Variants in RABL3 observed in about 807,000 individuals in gnomAD.
RABL3 encodes rab-like protein 3.
A neutral mutation model predicts 31.8 loss-of-function variants in RABL3; 31 were observed. The ratio of observed to expected loss-of-function variants is 0.97; its 90% confidence interval spans 0.73 to 1.31. The LOEUF is 1.31. RABL3 is among the 40% of genes most tolerant of loss of function. The pLI, the probability that RABL3 is intolerant of heterozygous loss-of-function variation, is 0.00. For missense variants in RABL3, 263 were observed against 279.6 expected (o/e 0.94, Z 0.42); for synonymous variants, 97 against 99.9 (o/e 0.97, Z 0.18).
intron 2 of RABL3, among the ~76,000 whole-genome samples, chr3:120,725,668 A>G (rs563466869): frequency 5.1e-4 from 78 of 152,304 alleles, no homozygotes; most frequent in African/African-American, 1.6e-3. Context: ...GAAGCTGGAA[A>G]CCATCATTCT....
chr3:120,710,854 G>A (rs1708605119), intron 2 of RABL3, among the ~76,000 whole-genome samples: 1 of 152,040 alleles, frequency 6.6e-6, no homozygotes, highest in Non-Finnish European at 1.5e-5. Flanking sequence ...CACAGCAAAA[G>A]TCCTCCAAAG....
At chr3:120,716,243 A>G (rs781106882) in intron 2 of RABL3, among the ~76,000 whole-genome samples, 8 of 152,242 alleles carry the variant, frequency 5.3e-5, no homozygotes, top group Non-Finnish European at 8.8e-5. Flanking sequence ...CATAATTAAG[A>G]GTAGCCATGT....
chr3:120,732,413 G>C (rs934694974), intron 1 of RABL3, among the ~76,000 whole-genome samples: 1 of 152,088 alleles, frequency 6.6e-6, no homozygotes, highest in African/African-American at 2.4e-5. Context: ...ATTATTACAT[G>C]TGTTTATTTA....
intron 6 of RABL3, among the ~76,000 whole-genome samples, chr3:120,693,661 A>G (rs1283831506): frequency 6.6e-6 from 1 of 152,204 alleles, no homozygotes; most frequent in Non-Finnish European, 1.5e-5. Flanking sequence ...ATGTTAGCAG[A>G]GAGTCAATAA....
chr3:120,737,858 G>T (rs772319935), intron 1 of RABL3, among the ~76,000 whole-genome samples: 2 of 152,236 alleles, frequency 1.3e-5, no homozygotes, highest in Non-Finnish European at 2.9e-5. Context: ...AACAGCAAAT[G>T]TTGCTGCCTG....
intron 1 of RABL3, among the ~76,000 whole-genome samples, chr3:120,735,208 G>T (rs992961964): frequency 4.9e-5 from 7 of 143,294 alleles, no homozygotes; most frequent in African/African-American, 1.7e-4. Context: ...ATTAATTATT[G>T]CCTCAATTTC....
At chr3:120,728,580 A>G (rs1431443465) in intron 2 of RABL3, among the ~76,000 whole-genome samples, 1 of 152,204 alleles carries the variant, frequency 6.6e-6, no homozygotes, top group African/African-American at 2.4e-5. Context: ...ACAAAATAGC[A>G]TTAGGAGATA....
In RABL3 at chr3:120,698,473, T is replaced by C; in HGVS notation, c.484A>G (p.Thr162Ala). ...TCCTCAGCCAGGAAAGCAGTCCTAG[T>C]TAAAACTTCATGGCGCTTTGTTTCA... ...IHETKRHEVL[T>A]RTAFLAEDFN... Residue 162 changes from threonine (T) to alanine (A), a missense_variant, in exon 5 of 8, where the codon ACT (threonine) becomes GCT (alanine). By Grantham distance (58) the Thr-to-Ala change is moderately conservative. Transcript: ENST00000273375. 2 of 1,614,086 alleles carry C rather than the reference T, an allele frequency of 1.2e-6. No individual in the cohort carries two copies. Among genetic ancestry groups the C allele is most frequent in the East Asian group, 2.2e-5 (1 of 44,854 alleles).
chr3:120,737,220 G>A (rs1364935925), intron 1 of RABL3, among the ~76,000 whole-genome samples: 3 of 151,958 alleles, frequency 2.0e-5, no homozygotes, highest in South Asian at 2.1e-4. Context: ...GCCTTTGTTC[G>A]TTCTTTTTAC....
At chr3:120,697,807 T>A (rs962213587) in intron 5 of RABL3, among the ~76,000 whole-genome samples, 5 of 152,224 alleles carry the variant, frequency 3.3e-5, no homozygotes, top group African/African-American at 1.2e-4. Context: ...AAGAATAATA[T>A]GCTTATAGTG....
intron 2 of RABL3, among the ~76,000 whole-genome samples, chr3:120,719,442 C>T (rs1340189799): frequency 6.6e-6 from 1 of 152,214 alleles, no homozygotes; most frequent in Non-Finnish European, 1.5e-5. Context: ...GGGAATTCCC[C>T]TTCCTAGCCA....
intron 1 of RABL3, among the ~76,000 whole-genome samples, chr3:120,731,053 T>G (rs1708876786): frequency 6.6e-6 from 1 of 152,216 alleles, no homozygotes; most frequent in African/African-American, 2.4e-5. Flanking sequence ...CGGGTCTGTC[T>G]TGGGGCCCAA....
rs570184383 is a variant in RABL3, at chr3:120,698,472, G to C, written c.485C>G (p.Thr162Ser). 21 of 1,613,918 alleles carry C rather than the reference G, an allele frequency of 1.3e-5. No individual in the cohort carries two copies. Among genetic ancestry groups the C allele is most frequent in the African/African-American group, 6.7e-5 (5 of 74,916 alleles). Residue 162 changes from threonine to serine, a missense_variant, in exon 5 of 8, where the codon ACT (threonine) becomes AGT (serine). By Grantham distance (58) the Thr-to-Ser change is moderately conservative (BLOSUM62 1). Transcript: ENST00000273375. ...ATCCTCAGCCAGGAAAGCAGTCCTA[G>C]TTAAAACTTCATGGCGCTTTGTTTC... ...IHETKRHEVL[T>S]RTAFLAEDFN...
chr3:120,734,822 T>C (rs1209448645), intron 1 of RABL3, among the ~76,000 whole-genome samples: 1 of 152,218 alleles, frequency 6.6e-6, no homozygotes, highest in Non-Finnish European at 1.5e-5. Context: ...TTGTCTTTGG[T>C]TCTGTTTATA....
intron 7 of RABL3, 56 bp from the exon 8 acceptor site, chr3:120,689,944 A>G: frequency 2.9e-6 from 4 of 1,381,280 alleles, no homozygotes; most frequent in Non-Finnish European, 4.1e-6. Context: ...TTCAAATACT[A>G]ATAGTAATTT....
intron 4 of RABL3, 136 bp from the exon 5 acceptor site, chr3:120,698,709 T>G (rs1315819039): frequency 1.4e-6 from 1 of 697,744 alleles, no homozygotes; most frequent in Non-Finnish European, 2.4e-6. Flanking sequence ...AAACCTACTT[T>G]CCTTCCAACT....
At position 120,687,823 on chromosome 3, in the gene RABL3, G is replaced by A. The variant is rs1228767822; in HGVS notation, c.*2000C>T. 6.6e-6 allele frequency: 1 copy of A among 151,160 alleles called. No individual in the cohort carries two copies. The highest frequency in any genetic ancestry group is 1.5e-5 in the Non-Finnish European group (1 of 67,824). 9.4% of individuals were successfully genotyped at this position (151,160 alleles called of 1,614,324 possible). The stretch of plus-strand genomic sequence containing the variant: ...ATTTATTTATTTTCTTTTAGTTGGA[G>A]TCTCACTCTGTCACCTAGGCTGGAG... On this transcript the variant is annotated 3_prime_UTR_variant, in exon 8 of 8. Transcript: ENST00000273375.
intron 5 of RABL3, among the ~76,000 whole-genome samples, chr3:120,694,856 G>GA (rs918132794): frequency 3.3e-5 from 5 of 150,770 alleles, no homozygotes; most frequent in Non-Finnish European, 5.9e-5. Context: ...TTATTATAGG[G>GA]AAAAAAAATG....
At chr3:120,734,153 T>G (rs912136894) in intron 1 of RABL3, among the ~76,000 whole-genome samples, 3 of 152,196 alleles carry the variant, frequency 2.0e-5, no homozygotes, top group Non-Finnish European at 4.4e-5. Context: ...GCCATTTTCA[T>G]GATATTGATT....
Sources: gnomAD v4.1 joint callset for allele counts (sites outside exome capture counted in the v4.1 genomes callset) on GRCh38, gnomAD v4.1.1 for gene constraint, MANE v1.5 for transcripts, NCBI Gene and HGNC (gene_info 2026-07-23, HGNC 2026-07-21) for gene names.